REPS1: variants seen among roughly 807,000 people sequenced by gnomAD.
REPS1 encodes the protein ralBP1-associated Eps domain-containing protein 1.
REPS1 carries 39 observed loss-of-function variants against 100.9 expected under a neutral mutation model. That is an observed-to-expected ratio of 0.39 (90% CI 0.30 to 0.50). REPS1 has a LOEUF of 0.50. Among genes scored for constraint, REPS1 ranks in the 20% least tolerant of loss-of-function variants. The probability of loss-of-function intolerance (pLI) is 0.86; values close to 1 mark genes in which losing one functional copy is unlikely to be tolerated. For synonymous variants in REPS1, 324 were observed against 340.3 expected (o/e 0.95, Z 0.53); for missense variants, 821 against 968.5 (o/e 0.85, Z 2.02).
chr6:138,966,984 A>G (rs1002690752), intron 1 of REPS1, among the ~76,000 whole-genome samples: 1 of 152,206 alleles, frequency 6.6e-6, no homozygotes, highest in Non-Finnish European at 1.5e-5. Context: ...CTCCAATACA[A>G]CAACAGTGTT....
At chr6:138,916,150 A>C in intron 13 of REPS1, 174 bp from the exon 14 acceptor site, 1 of 569,066 alleles carries the variant, frequency 1.8e-6, no homozygotes. Flanking sequence ...GATGTACCCT[A>C]AACAACTGAT....
chr6:138,918,324 G>A (rs576572128), intron 12 of REPS1, among the ~76,000 whole-genome samples: 1 of 152,274 alleles, frequency 6.6e-6, no homozygotes, highest in South Asian at 2.1e-4. Context: ...ACAGGAGGAT[G>A]TGCATAGGTT....
chr6:138,932,835 G>T (rs1781570245), intron 8 of REPS1, among the ~76,000 whole-genome samples: 2 of 152,232 alleles, frequency 1.3e-5, no homozygotes, highest in Admixed American at 1.3e-4. Flanking sequence ...TTCAGTATTT[G>T]TTTCCAATGG....
chr6:138,956,965 A>G (rs1783429473), intron 1 of REPS1, among the ~76,000 whole-genome samples: 2 of 152,122 alleles, frequency 1.3e-5, no homozygotes, highest in Non-Finnish European at 2.9e-5. Flanking sequence ...ACAAAGCTCA[A>G]TAGAAACACT....
chr6:138,959,034 CAG>C (rs1480671418), intron 1 of REPS1, among the ~76,000 whole-genome samples: 2 of 152,136 alleles, frequency 1.3e-5, no homozygotes, highest in African/African-American at 4.8e-5. Flanking sequence ...CAATAAACGG[CAG>C]AGTTATAATA....
At chr6:138,941,643 G>A (rs1311454545) in intron 7 of REPS1, among the ~76,000 whole-genome samples, 154 bp from the exon 8 acceptor site, 1 of 152,158 alleles carries the variant, frequency 6.6e-6, no homozygotes, top group Non-Finnish European at 1.5e-5. Context: ...TATAGCAAAT[G>A]TAGCAAAATG....
At chr6:138,916,214 T>G (rs1452278502) in intron 13 of REPS1, 1 of 351,316 alleles carries the variant, frequency 2.8e-6, no homozygotes, top group Non-Finnish European at 5.0e-6. Flanking sequence ...AAATTTCTTT[T>G]TTTCTTTTTT....
At position 138,941,448 on chromosome 6, in the gene REPS1, T is replaced by C. The variant is rs200827125; in HGVS notation, c.1022A>G (p.Asp341Gly). The change falls in exon 8 of 20, where the codon GAT (aspartate) becomes GGT (glycine). Residue 341 changes from aspartate to glycine, a missense_variant. By Grantham distance (94) the Asp-to-Gly change is moderately conservative. Coordinates refer to ENST00000450536, the MANE Select transcript of REPS1 (RefSeq NM_001286611.2). ...CAGATGAAAAGCAGCACAAAACTCA[T>C]CCAGTGTCAATGCACCATCTTTATC... ...DFDKDGALTL[D>G]EFCAAFHLVV... 1.2e-6 allele frequency: 2 copies of C among 1,614,032 alleles called. No individual in the cohort carries two copies. Among genetic ancestry groups the C allele is most frequent in the Non-Finnish European group, 1.7e-6 (2 of 1,179,938 alleles).
chr6:138,921,169 A>G, intron 10 of REPS1, 45 bp from the exon 11 acceptor site: 1 of 1,276,146 alleles, frequency 7.8e-7, no homozygotes, highest in Non-Finnish European at 1.1e-6. Flanking sequence ...TTAAAATGTC[A>G]AGCTAATGCC....
chr6:138,946,822 T>A (rs1782642547), intron 2 of REPS1, among the ~76,000 whole-genome samples: 1 of 152,190 alleles, frequency 6.6e-6, no homozygotes, highest in African/African-American at 2.4e-5. Context: ...TTCTTTCACA[T>A]CAACAAGCCT....
At chr6:138,980,137 C>T (rs1426584855) in intron 1 of REPS1, among the ~76,000 whole-genome samples, 2 of 152,134 alleles carry the variant, frequency 1.3e-5, no homozygotes, top group African/African-American at 4.8e-5. Context: ...ATATCCAACC[C>T]TATTTATGCC....
Position 138,907,598 on chromosome 6 carries a change from G to C in REPS1, c.2219C>G (p.Ser740Cys). ...AATAGCTTTCTTATCTTTCCCAACAGATCTGAGAAGATAAAGAAGGCAAAA... is the reference window on the plus strand; with the variant it reads ...AATAGCTTTCTTATCTTTCCCAACACATCTGAGAAGATAAAGAAGGCAAAA... ...VLASQPSIPR[S>C]VGKDKKAIQA... Residue 740 changes from serine (S) to cysteine (C), a missense_variant and splice_region_variant, in exon 19 of 20, where the codon TCT (serine) becomes TGT (cysteine). Physicochemically the swap from Ser to Cys is moderately radical, Grantham distance 112 (BLOSUM62 -1). This residue lies in a region of REPS1 where 757 missense variants were observed against 866.4 expected (regional missense o/e 0.87). Coordinates refer to ENST00000450536, the MANE Select transcript of REPS1 (RefSeq NM_001286611.2). 2 of 1,601,164 alleles carry C rather than the reference G, an allele frequency of 1.2e-6. No homozygotes were observed. Among genetic ancestry groups the C allele is most frequent in the Non-Finnish European group, 1.7e-6 (2 of 1,169,214 alleles).
intron 1 of REPS1, among the ~76,000 whole-genome samples, chr6:138,966,680 AAC>A (rs1784044098): frequency 6.6e-6 from 1 of 152,194 alleles, no homozygotes; most frequent in Non-Finnish European, 1.5e-5. Flanking sequence ...GCTGCATTAT[AAC>A]AGTTTTAGTA....
chr6:138,921,181 T>C (rs968743011), intron 10 of REPS1, 57 bp from the exon 11 acceptor site: 6 of 1,169,196 alleles, frequency 5.1e-6, no homozygotes, highest in African/African-American at 1.5e-5. Context: ...GCTAATGCCA[T>C]GCAATAATCA....
In REPS1 at chr6:138,956,373, C is replaced by T. The variant is rs115539485; in HGVS notation, c.154-8460G>A. Among the ~76,000 whole-genome samples the T allele has an allele frequency of 2.6e-3, 397 of 152,100 alleles. 2 individuals are homozygous for T. Among genetic ancestry groups the T allele is most frequent in the Non-Finnish European group, 4.0e-3 (272 of 67,986 alleles). On this transcript the variant is annotated intron_variant, in intron 1 of 19. Coordinates refer to ENST00000450536, the MANE Select transcript of REPS1 (RefSeq NM_001286611.2). ...AAATCCAGAGACTCACCCAGAAATG[C>T]TAGGTATGACTAGGGATGGGACTGG...
At chr6:138,970,474 A>AG (rs1197636852) in intron 1 of REPS1, among the ~76,000 whole-genome samples, 1 of 144,702 alleles carries the variant, frequency 6.9e-6, no homozygotes, top group Non-Finnish European at 1.5e-5. Context: ...AAAAAAAAGG[A>AG]GGGGGAATAT....
intron 1 of REPS1, among the ~76,000 whole-genome samples, chr6:138,949,297 G>C (rs1312657151): frequency 6.6e-6 from 1 of 152,198 alleles, no homozygotes; most frequent in Non-Finnish European, 1.5e-5. Context: ...AAGGGAAACA[G>C]AATCTCAATG....
intron 1 of REPS1, among the ~76,000 whole-genome samples, chr6:138,963,743 T>C (rs1383379008): frequency 6.6e-6 from 1 of 152,190 alleles, no homozygotes; most frequent in Non-Finnish European, 1.5e-5. Context: ...CATTCCAAAA[T>C]GGCTGTTTCC....
intron 1 of REPS1, among the ~76,000 whole-genome samples, chr6:138,959,673 C>CTG (rs1350026051): frequency 6.6e-6 from 1 of 152,176 alleles, no homozygotes; most frequent in Admixed American, 6.5e-5. Context: ...TAGCCAGTCA[C>CTG]TATAACTTCT....
Sources: gnomAD v4.1 joint callset for allele counts (sites outside exome capture counted in the v4.1 genomes callset) on GRCh38, gnomAD v4.1.1 for gene constraint, gnomAD v4.1.1 regional missense constraint, MANE v1.5 for transcripts, NCBI Gene and HGNC (gene_info 2026-07-23, HGNC 2026-07-21) for gene names.